DGKI: variants seen among roughly 807,000 people sequenced by gnomAD.
DGKI encodes diacylglycerol kinase iota.
DGKI carries 55 observed loss-of-function variants against 147.5 expected under a neutral mutation model. The ratio of observed to expected loss-of-function variants is 0.37; its 90% CI spans 0.30 to 0.47. The LOEUF (loss-of-function observed/expected upper bound fraction) is 0.47. Among genes scored for constraint, DGKI ranks in the 20% least tolerant of loss-of-function variants. The pLI is 1.00. For missense variants in DGKI, 1,007 were observed against 1,323.8 expected, an observed-to-expected ratio of 0.76 and a Z score of 3.71; for synonymous variants, 469 against 477.1, an observed-to-expected ratio of 0.98 and a Z score of 0.22.
At chr7:137,738,084 T>G (rs1795075559) in intron 1 of DGKI, among the ~76,000 whole-genome samples, 1 of 152,160 alleles carries the variant, frequency 6.6e-6, no homozygotes, top group Admixed American at 6.5e-5. Context: ...ATTTTCTCAT[T>G]TAATACATTC....
At chr7:137,741,236 A>ATT (rs1795164483) in intron 1 of DGKI, among the ~76,000 whole-genome samples, 1 of 152,198 alleles carries the variant, frequency 6.6e-6, no homozygotes, top group African/African-American at 2.4e-5. Context: ...TTAATTAGTA[A>ATT]AAGATAATAA....
intron 21 of DGKI, among the ~76,000 whole-genome samples, chr7:137,502,001 C>T (rs1215679418): frequency 6.6e-6 from 1 of 152,188 alleles, no homozygotes; most frequent in Non-Finnish European, 1.5e-5. Flanking sequence ...TTTGCCTGCA[C>T]AAGCCCTCTC....
intron 1 of DGKI, among the ~76,000 whole-genome samples, chr7:137,729,359 G>T (rs1794802894): frequency 6.6e-6 from 1 of 152,088 alleles, no homozygotes; most frequent in Non-Finnish European, 1.5e-5. Context: ...ATCCCAGATG[G>T]CTCTAAGGCT....
chr7:137,444,063 CAG>C lies in DGKI; in HGVS notation c.2761+12_2761+13del. Reference sequence around the variant, plus strand: ...CAATCCTGAATTGGTATAAATAAGACAGATGATTCTTACCATGATCTTCTGAA... The same window carrying C: ...CAATCCTGAATTGGTATAAATAAGACATGATTCTTACCATGATCTTCTGAA... On this transcript the variant is annotated intron_variant, in intron 28 of 32. Transcript: ENST00000614521. The C allele has an allele frequency of 1.9e-6, 3 of 1,560,234 alleles. No homozygotes were observed. Among genetic ancestry groups the C allele is most frequent in the Non-Finnish European group, 2.6e-6 (3 of 1,152,374 alleles).
chr7:137,644,542 C>T (rs1216504922), intron 6 of DGKI, among the ~76,000 whole-genome samples: 1 of 152,170 alleles, frequency 6.6e-6, no homozygotes, highest in Non-Finnish European at 1.5e-5. Flanking sequence ...GCTCTACTGT[C>T]AAAAATGCTG....
chr7:137,699,691 T>C (rs1252164777), intron 1 of DGKI, among the ~76,000 whole-genome samples: 1 of 152,208 alleles, frequency 6.6e-6, no homozygotes, highest in Non-Finnish European at 1.5e-5. Context: ...AGGATTTAAA[T>C]TTCCACAGGG....
intron 26 of DGKI, among the ~76,000 whole-genome samples, chr7:137,465,261 T>C (rs1814609496): frequency 6.6e-6 from 1 of 152,358 alleles, no homozygotes; most frequent in East Asian, 1.9e-4. Flanking sequence ...TGGTGATGAC[T>C]ATTATTATTA....
Position 137,405,431 on chromosome 7 carries a change from G to A in DGKI, c.2920+2444C>T, listed in dbSNP as rs139676176. Among the ~76,000 whole-genome samples, 338 of 152,166 alleles carry A rather than the reference G, an allele frequency of 2.2e-3. 1 individual carries two copies. Among genetic ancestry groups the A allele is most frequent in the African/African-American group, 7.8e-3 (324 of 41,524 alleles). ...TTGTATTTTTATTTGTGAAACTGGG[G>A]TTCTTAAGACCCAGAACCAAAGTCA... On this transcript the variant is annotated intron_variant, in intron 30 of 32. Transcript: ENST00000614521.
chr7:137,475,933 A>T (rs1815156078), intron 23 of DGKI, among the ~76,000 whole-genome samples: 1 of 152,206 alleles, frequency 6.6e-6, no homozygotes, highest in Non-Finnish European at 1.5e-5. Context: ...AGACAGCAGA[A>T]TAAATTCATT....
At chr7:137,534,386 T>G (rs189754157) in intron 20 of DGKI, among the ~76,000 whole-genome samples, 53 of 152,214 alleles carry the variant, frequency 3.5e-4, no homozygotes, top group Non-Finnish European at 6.5e-4. Context: ...TAAATAAATA[T>G]TTTACTCACA....
chr7:137,545,970 C>T (rs1367933092), intron 20 of DGKI: 1 of 702,078 alleles, frequency 1.4e-6, no homozygotes, highest in Non-Finnish European at 2.6e-6. Context: ...ATACTAGAGG[C>T]AGCAGGGAAT....
chr7:137,423,704 T>G (rs1206437855), intron 28 of DGKI, among the ~76,000 whole-genome samples: 1 of 152,106 alleles, frequency 6.6e-6, no homozygotes, highest in African/African-American at 2.4e-5. Flanking sequence ...CACCCCTCAC[T>G]GGAACAAAAG....
At chr7:137,507,045 T>A (rs1271896277) in intron 21 of DGKI, among the ~76,000 whole-genome samples, 4 of 152,216 alleles carry the variant, frequency 2.6e-5, no homozygotes, top group African/African-American at 9.6e-5. Context: ...TTCCCTGCTG[T>A]GGGTCACAGG....
rs139059093 is a variant in DGKI, at chr7:137,754,147, G to C, written c.402-64145C>G. Among the ~76,000 whole-genome samples, 23 of 152,250 alleles carry C rather than the reference G, an allele frequency of 1.5e-4. No individual in the cohort carries two copies. In the East Asian group the frequency reaches 4.1e-3, roughly 27 times the overall value. On this transcript the variant is annotated intron_variant, in intron 1 of 32. Transcript: ENST00000614521. The stretch of plus-strand genomic sequence containing the variant: ...GGGGCAGGTGCACTGCTGCTGCCAG[G>C]AATAGCCTCCCTGCTGGTTCAAAGG...
chr7:137,716,273 G>A (rs967705406), intron 1 of DGKI, among the ~76,000 whole-genome samples: 3 of 152,138 alleles, frequency 2.0e-5, no homozygotes, highest in Non-Finnish European at 2.9e-5. Flanking sequence ...CAATCTGAAC[G>A]TTCATGAAAA....
chr7:137,810,610 T>C (rs7808530), intron 1 of DGKI, among the ~76,000 whole-genome samples: 67,480 of 152,054 alleles, frequency 0.44, 15,795 homozygotes, highest in Middle Eastern at 0.6. Context: ...AAGACATATC[T>C]CACTTGTTAA....
chr7:137,681,139 G>A (rs1473963505), intron 2 of DGKI, among the ~76,000 whole-genome samples: 1 of 152,178 alleles, frequency 6.6e-6, no homozygotes, highest in African/African-American at 2.4e-5. Context: ...ATCTCCCAGT[G>A]CCTCAAAACC....
At chr7:137,480,674 T>G (rs1340053761) in intron 23 of DGKI, among the ~76,000 whole-genome samples, 1 of 152,176 alleles carries the variant, frequency 6.6e-6, no homozygotes, top group Non-Finnish European at 1.5e-5. Flanking sequence ...ATGTTTTCTC[T>G]ATTTTTAAAT....
intron 1 of DGKI, among the ~76,000 whole-genome samples, chr7:137,831,753 C>T (rs1208954076): frequency 6.6e-6 from 1 of 152,216 alleles, no homozygotes; most frequent in African/African-American, 2.4e-5. Context: ...AGTCTGAACT[C>T]ATTTCAGCAT....
Sources: allele counts gnomAD v4.1 joint callset (sites outside exome capture counted in the v4.1 genomes callset), GRCh38; gene constraint gnomAD v4.1.1; transcripts MANE v1.5; gene names NCBI Gene and HGNC (gene_info 2026-07-23, HGNC 2026-07-21).